MAPK8IP3: variants seen among roughly 807,000 people sequenced by gnomAD.
The protein encoded by MAPK8IP3 is C-Jun-amino-terminal kinase-interacting protein 3.
Under a neutral mutation model 157.8 loss-of-function variants are expected in MAPK8IP3, and 49 were observed. That is an observed-to-expected ratio of 0.31 (90% CI 0.25 to 0.39). The LOEUF (loss-of-function observed/expected upper bound fraction) is 0.39, where lower values mean the gene tolerates loss of function less well. Among genes scored for constraint, MAPK8IP3 ranks in the 10% least tolerant of loss-of-function variants. MAPK8IP3 has a pLI of 1.00. For missense variants in MAPK8IP3, 1,478 were observed against 1,889.4 expected (o/e 0.78, Z 4.04); for synonymous variants, 897 against 777.7 (o/e 1.15, Z -2.55).
Position 1,768,774 on chromosome 16 carries a change from G to GCAGAGCGCAGT in MAPK8IP3, c.3967_3977dup (p.His1326GlnfsTer28), listed in dbSNP as rs2042441589. 1 of 1,612,634 alleles carries GCAGAGCGCAGT rather than the reference G, an allele frequency of 6.2e-7. No homozygotes were observed. The highest frequency in any genetic ancestry group is 1.3e-5 in the African/African-American group (1 of 74,894). On this transcript the variant is annotated frameshift_variant, in exon 32 of 32. Coordinates refer to ENST00000610761, the MANE Select transcript of MAPK8IP3 (RefSeq NM_001318852.2). LOFTEE classifies it high-confidence loss of function. ...CCAGGTGAAGCCCGTGCTGTCCAAG[G>GCAGAGCGCAGT]CAGAGCGCAGTCACATCATCGTGTG...
chr16:1,725,243 T>C (rs1469115439), intron 2 of MAPK8IP3, among the ~76,000 whole-genome samples: 2 of 151,272 alleles, frequency 1.3e-5, no homozygotes, highest in Non-Finnish European at 2.9e-5. Flanking sequence ...ACTGTCAATG[T>C]TTTAGGCCAG....
At chr16:1,727,642 C>T (rs142701173) in intron 2 of MAPK8IP3, among the ~76,000 whole-genome samples, 2 of 152,204 alleles carry the variant, frequency 1.3e-5, no homozygotes, top group East Asian at 1.9e-4. Context: ...ATCTGAGTCA[C>T]GCGTGTCAGG....
chr16:1,709,141 G>T (rs907961331), intron 1 of MAPK8IP3, among the ~76,000 whole-genome samples: 1 of 152,210 alleles, frequency 6.6e-6, no homozygotes, highest in Non-Finnish European at 1.5e-5. Context: ...GACAGAATCC[G>T]CAGGGTTTTA....
rs772874010 is a variant in MAPK8IP3, at chr16:1,766,026, C to T, written c.2513C>T (p.Pro838Leu). The change falls in exon 21 of 32, where the codon CCG becomes CTG. Residue 838 changes from proline (P) to leucine (L), a missense_variant. This residue lies in a region of MAPK8IP3 where 669 missense variants were observed against 759.8 expected (regional missense o/e 0.88). Transcript: ENST00000610761. The stretch of plus-strand genomic sequence containing the variant: ...GACAGCGACGTGAACCCAGAGGACC[C>T]GGGCGCAGATGGCGTGCTGGCCGGT... ...FLDSDVNPEDPGADGVLAGIT... is the reference protein window; with the variant it reads ...FLDSDVNPEDLGADGVLAGIT... The T allele has an allele frequency of 3.5e-5, 56 of 1,612,696 alleles. No homozygotes were observed. The highest frequency in any genetic ancestry group is 1.6e-4 in the Middle Eastern group (1 of 6,084).
At position 1,742,336 on chromosome 16, in the gene MAPK8IP3, T is replaced by C. The variant is rs1484007084; in HGVS notation, c.603-996T>C. On this transcript the variant is annotated intron_variant, in intron 4 of 31. Transcript: ENST00000610761. The surrounding 1 kb of genome is among the most constrained non-coding windows in gnomAD (Gnocchi z 5.0). ...GGACTGAGCCCACAGCAGGGGGCACTGAGCACTGTCCTGACAGCTCCAGCT... is the reference window on the plus strand; with the variant it reads ...GGACTGAGCCCACAGCAGGGGGCACCGAGCACTGTCCTGACAGCTCCAGCT... Among the ~76,000 whole-genome samples the C allele has an allele frequency of 6.6e-6, 1 of 152,160 alleles. No individual in the cohort carries two copies. The highest frequency in any genetic ancestry group is 2.4e-5 in the African/African-American group (1 of 41,426).
At chr16:1,763,333 T>C (rs528092307) in intron 16 of MAPK8IP3, among the ~76,000 whole-genome samples, 1 of 152,352 alleles carries the variant, frequency 6.6e-6, no homozygotes, top group South Asian at 2.1e-4. Context: ...GAGTCGCTGG[T>C]CATGCCTGTG....
At chr16:1,735,437 GC>G (rs2039621246) in intron 4 of MAPK8IP3, among the ~76,000 whole-genome samples, 1 of 147,204 alleles carries the variant, frequency 6.8e-6, no homozygotes, top group Admixed American at 6.8e-5. Context: ...ATCCGTGTGA[GC>G]ATCCGTGTGA....
chr16:1,706,373 G>C lies in MAPK8IP3; in HGVS notation c.34G>C (p.Val12Leu). The C allele has an allele frequency of 3.1e-6, 5 of 1,608,302 alleles. No individual in the cohort carries two copies. The highest frequency in any genetic ancestry group is 4.2e-6 in the Non-Finnish European group (5 of 1,177,824). Residue 12 changes from valine to leucine, a missense_variant, in exon 1 of 32, where the codon GTG (valine) becomes CTG (leucine). Coordinates refer to ENST00000610761, the MANE Select transcript of MAPK8IP3 (RefSeq NM_001318852.2). The surrounding 1 kb of genome is among the most constrained non-coding windows in gnomAD (Gnocchi z 5.1). ...MEIQMDEGGG[V>L]VVYQDDYCSG... ...GATCCAGATGGACGAGGGCGGCGGC[G>C]TGGTGGTGTACCAGGACGACTACTG...
At chr16:1,746,981 A>G (rs1371939991) in intron 5 of MAPK8IP3, 48 bp from the exon 6 acceptor site, 3 of 1,595,028 alleles carry the variant, frequency 1.9e-6, no homozygotes, top group Non-Finnish European at 2.6e-6. Flanking sequence ...GCCGCAGGCC[A>G]GGGACCTGCA....
intron 30 of MAPK8IP3, 36 bp from the exon 31 acceptor site, chr16:1,768,441 G>A (rs373764475): frequency 6.3e-7 from 1 of 1,590,758 alleles, no homozygotes; most frequent in Non-Finnish European, 8.5e-7. Context: ...GCCTCCCCCA[G>A]GAGGCCGCTG....
intron 2 of MAPK8IP3, among the ~76,000 whole-genome samples, chr16:1,726,446 G>A (rs2038883028): frequency 6.6e-6 from 1 of 152,146 alleles, no homozygotes; most frequent in Non-Finnish European, 1.5e-5. Context: ...AGGCTGAGGG[G>A]GAAGGATCCC....
chr16:1,737,972 G>T (rs560303108), intron 4 of MAPK8IP3, among the ~76,000 whole-genome samples: 4 of 82,288 alleles, frequency 4.9e-5, no homozygotes. Flanking sequence ...CCGTGTGAGC[G>T]TGTGACCGTC....
At chr16:1,756,624 ACACAC>A (rs1435013999) in intron 8 of MAPK8IP3, among the ~76,000 whole-genome samples, 1 of 12,036 alleles carries the variant, frequency 8.3e-5, no homozygotes, top group Non-Finnish European at 1.4e-4. Context: ...TTTTACTAAA[ACACAC>A]ACACACACAC....
Position 1,758,032 on chromosome 16 carries a change from G to A in MAPK8IP3, c.1217-116G>A, listed in dbSNP as rs375910850. The A allele has an allele frequency of 5.6e-5, 59 of 1,049,422 alleles. No individual in the cohort carries two copies. In the African/African-American group the frequency reaches 6.7e-4, roughly 12 times the overall value. The allele number at this position is 1,049,422 out of a possible 1,614,324, so 65.0% of individuals were successfully genotyped here. A position where few individuals can be genotyped will look rare whatever the true frequency, so the allele number is the denominator to read the frequency against. Reference sequence around the variant, plus strand: ...CTCTCTCTCCTGCCCTGCAACATGGGAGCAGCCGAATCATTGCTGGGTTTT... The same window carrying A: ...CTCTCTCTCCTGCCCTGCAACATGGAAGCAGCCGAATCATTGCTGGGTTTT... On this transcript the variant is annotated intron_variant, in intron 8 of 31. Coordinates refer to ENST00000610761, the MANE Select transcript of MAPK8IP3 (RefSeq NM_001318852.2).
rs2042127674 is a variant in MAPK8IP3, at chr16:1,764,285, G to C, written c.2122-16G>C. 1.3e-6 allele frequency: 2 copies of C among 1,583,480 alleles called. No individual in the cohort carries two copies. The highest frequency in any genetic ancestry group is 2.3e-5 in the South Asian group (2 of 87,914). ...GGGAGTGCCGGTGACACCCGACCTC[G>C]GCCCTGCCCTTGCAGCTGTGGTGTG... On this transcript the variant is annotated splice_polypyrimidine_tract_variant and intron_variant, in intron 18 of 31. Transcript: ENST00000610761.
intron 8 of MAPK8IP3, among the ~76,000 whole-genome samples, chr16:1,755,710 G>A (rs1157552898): frequency 6.6e-6 from 1 of 152,016 alleles, no homozygotes. Flanking sequence ...ACCTGGGCCT[G>A]GTGACACATG....
At chr16:1,733,936 G>A (rs1017962354) in intron 4 of MAPK8IP3, among the ~76,000 whole-genome samples, 3 of 152,232 alleles carry the variant, frequency 2.0e-5, no homozygotes, top group South Asian at 2.1e-4. Context: ...CTTTGGCACC[G>A]GCCGTGGGAG....
intron 4 of MAPK8IP3, among the ~76,000 whole-genome samples, chr16:1,738,359 CGT>C (rs1164395602): frequency 5.4e-5 from 4 of 73,634 alleles, no homozygotes; most frequent in Admixed American, 1.9e-4. Context: ...TGTGACCATC[CGT>C]GTGAGTGTGA....
chr16:1,714,848 G>T (rs2038040648), intron 1 of MAPK8IP3, among the ~76,000 whole-genome samples: 1 of 152,066 alleles, frequency 6.6e-6, no homozygotes, highest in Admixed American at 6.6e-5. Flanking sequence ...CGGAGGTTGG[G>T]GCTGATTAGG....
Sources: allele counts gnomAD v4.1 joint callset (sites outside exome capture counted in the v4.1 genomes callset), GRCh38; gene constraint gnomAD v4.1.1; regional missense constraint gnomAD v4.1.1; non-coding constraint Gnocchi (gnomAD v3.1); transcripts MANE v1.5; gene names NCBI Gene and HGNC (gene_info 2026-07-23, HGNC 2026-07-21).